IQCM: variants seen among roughly 807,000 people sequenced by gnomAD.
The protein encoded by IQCM is IQ domain-containing protein M.
In IQCM, 45 loss-of-function variants were observed where a neutral mutation model predicts 57.6. That is an observed-to-expected ratio of 0.78 (90% CI 0.62 to 1.00). The LOEUF (loss-of-function observed/expected upper bound fraction) is 1.00. Ranked by LOEUF, IQCM falls within the 50% of genes least tolerant of loss-of-function variation. IQCM has a pLI of 0.00. For synonymous variants in IQCM, 148 were observed against 158.9 expected (o/e 0.93, Z 0.51); for missense variants, 468 against 511.6 (o/e 0.91, Z 0.82).
intron 13 of IQCM, among the ~76,000 whole-genome samples, chr4:149,412,575 G>A (rs1733467365): frequency 1.3e-5 from 2 of 152,122 alleles, no homozygotes. Context: ...TTGTGATGTA[G>A]CAGTAACATG....
intron 12 of IQCM, among the ~76,000 whole-genome samples, chr4:149,544,556 C>T (rs1748187004): frequency 6.6e-6 from 1 of 152,122 alleles, no homozygotes; most frequent in African/African-American, 2.4e-5. Context: ...ACCTAAATTA[C>T]ATGAAACTAT....
At chr4:149,391,685 C>G (rs959230322) in intron 13 of IQCM, among the ~76,000 whole-genome samples, 3 of 151,796 alleles carry the variant, frequency 2.0e-5, no homozygotes, top group African/African-American at 7.2e-5. Context: ...TTTTTATTTC[C>G]ATTTGTCTCA....
chr4:149,524,618 T>G (rs977496727), intron 12 of IQCM, among the ~76,000 whole-genome samples: 10 of 151,532 alleles, frequency 6.6e-5, no homozygotes, highest in African/African-American at 2.4e-4. Flanking sequence ...TCTTTAAAAT[T>G]TAAATAATAA....
chr4:149,739,578 TA>T (rs1767263038), intron 3 of IQCM, among the ~76,000 whole-genome samples: 1 of 152,062 alleles, frequency 6.6e-6, no homozygotes, highest in Admixed American at 6.6e-5. Flanking sequence ...CAAAACTAAC[TA>T]ATATGTTTGC....
chr4:149,443,267 T>TTCTTTATCCTTTAA (rs1579073439), intron 12 of IQCM, among the ~76,000 whole-genome samples: 1 of 152,064 alleles, frequency 6.6e-6, no homozygotes, highest in East Asian at 1.9e-4. Context: ...AAATATCTTT[T>TTCTTTATCCTTTAA]GCAGCAACAT....
intron 11 of IQCM, among the ~76,000 whole-genome samples, chr4:149,550,851 C>T (rs1748960699): frequency 1.3e-5 from 2 of 152,162 alleles, no homozygotes; most frequent in African/African-American, 4.8e-5. Flanking sequence ...AATGGATGCT[C>T]TGGTTGGTAA....
chr4:149,388,909 T>C (rs1432921799), intron 13 of IQCM, among the ~76,000 whole-genome samples: 1 of 151,272 alleles, frequency 6.6e-6, no homozygotes, highest in Non-Finnish European at 1.5e-5. Flanking sequence ...AACTTGCAGA[T>C]ATTTTTTCTC....
At chr4:149,773,554 G>T (rs774012532) in intron 2 of IQCM, among the ~76,000 whole-genome samples, 1 of 152,132 alleles carries the variant, frequency 6.6e-6, no homozygotes, top group Non-Finnish European at 1.5e-5. Flanking sequence ...GGCATAATGT[G>T]ATGTTAATAT....
In IQCM at chr4:149,515,141, T is replaced by G. The variant is rs190414792; in HGVS notation, c.1228+33314A>C. On this transcript the variant is annotated intron_variant, in intron 12 of 13. Transcript: ENST00000636793. The stretch of plus-strand genomic sequence containing the variant: ...CCATAGGTGAATCACAGCAGAGTTC[T>G]CTAGGATTTTTAGAGCAAGGCCCTG... Among the ~76,000 whole-genome samples the G allele has an allele frequency of 1.8e-4, 27 of 150,890 alleles. No homozygotes were observed. In the East Asian group the frequency reaches 5.3e-3, roughly 30 times the overall value.
intron 12 of IQCM, among the ~76,000 whole-genome samples, chr4:149,462,152 T>C (rs1560869432): frequency 6.6e-6 from 1 of 152,176 alleles, no homozygotes; most frequent in Non-Finnish European, 1.5e-5. Flanking sequence ...GCTGCACAAA[T>C]GCAGGTCATT....
chr4:149,679,464 A>G (rs1408744954), intron 7 of IQCM, among the ~76,000 whole-genome samples: 2 of 151,752 alleles, frequency 1.3e-5, no homozygotes, highest in East Asian at 3.9e-4. Context: ...CAGCAGGGTA[A>G]CTACAGTTTA....
At chr4:149,701,994 A>G (rs907069164) in intron 5 of IQCM, among the ~76,000 whole-genome samples, 1 of 151,962 alleles carries the variant, frequency 6.6e-6, no homozygotes, top group African/African-American at 2.4e-5. Flanking sequence ...CTCCAACATA[A>G]CAAGCCCAAG....
chr4:149,759,488 G>C (rs1403197409), intron 2 of IQCM, among the ~76,000 whole-genome samples: 3 of 151,988 alleles, frequency 2.0e-5, no homozygotes, highest in Admixed American at 6.6e-5. Flanking sequence ...TAATAGGGGA[G>C]ACTATAGTAT....
chr4:149,562,641 G>A (rs1750234562), intron 10 of IQCM, among the ~76,000 whole-genome samples: 1 of 152,024 alleles, frequency 6.6e-6, no homozygotes. Context: ...ATTTTTTTCA[G>A]CAATGAAATA....
chr4:149,527,924 T>C (rs532541870), intron 12 of IQCM, among the ~76,000 whole-genome samples: 3 of 152,098 alleles, frequency 2.0e-5, no homozygotes, highest in Non-Finnish European at 2.9e-5. Flanking sequence ...CTAGTCATCT[T>C]GTACATAATA....
chr4:149,560,661 T>A (rs1750033546), intron 10 of IQCM, among the ~76,000 whole-genome samples: 4 of 152,186 alleles, frequency 2.6e-5, no homozygotes, highest in Admixed American at 2.0e-4. Flanking sequence ...ATCTCTGTGG[T>A]CTTTCGATGT....
chr4:149,354,837 T>A (rs556092171), intron 13 of IQCM, among the ~76,000 whole-genome samples: 2 of 152,262 alleles, frequency 1.3e-5, no homozygotes, highest in South Asian at 4.1e-4. Context: ...ATTTCATGAA[T>A]ATTAACTCTT....
intron 13 of IQCM, among the ~76,000 whole-genome samples, chr4:149,370,542 A>G (rs967931458): frequency 6.6e-6 from 1 of 150,668 alleles, no homozygotes; most frequent in African/African-American, 2.4e-5. Context: ...CATACACACT[A>G]TACACACACT....
intron 2 of IQCM, among the ~76,000 whole-genome samples, chr4:149,805,427 C>T (rs557966367): frequency 1.6e-4 from 25 of 152,044 alleles, no homozygotes; most frequent in South Asian, 6.2e-4. Context: ...ATTTTCCATC[C>T]TTTGGGATGG....
Sources: gnomAD v4.1 joint callset for allele counts (sites outside exome capture counted in the v4.1 genomes callset) on GRCh38, gnomAD v4.1.1 for gene constraint, MANE v1.5 for transcripts, NCBI Gene and HGNC (gene_info 2026-07-23, HGNC 2026-07-21) for gene names.